FZD3: variants seen among roughly 807,000 people sequenced by gnomAD.
The protein encoded by FZD3 is frizzled-3.
Under a neutral mutation model 60.7 loss-of-function variants are expected in FZD3, and 30 were observed. The ratio of observed to expected loss-of-function variants is 0.49; its 90% confidence interval spans 0.37 to 0.67. The LOEUF is 0.67. Among genes scored for constraint, FZD3 ranks in the 30% least tolerant of loss-of-function variants. FZD3 has a pLI of 0.00. For synonymous variants in FZD3, 246 were observed against 275.2 expected, an observed-to-expected ratio of 0.89 and a Z score of 1.05; for missense variants, 605 against 838.7, an observed-to-expected ratio of 0.72 and a Z score of 3.44.
intron 5 of FZD3, among the ~76,000 whole-genome samples, chr8:28,533,835 T>C (rs1804941550): frequency 6.6e-6 from 1 of 152,188 alleles, no homozygotes; most frequent in Admixed American, 6.5e-5. Context: ...TTCTGGAAGA[T>C]AGTGCTGGTG....
At chr8:28,519,524 G>A (rs1804516095) in intron 3 of FZD3, among the ~76,000 whole-genome samples, 1 of 152,050 alleles carries the variant, frequency 6.6e-6, no homozygotes, top group Admixed American at 6.6e-5. Flanking sequence ...GAGCCCAAGA[G>A]TTTGAGACCA....
intron 1 of FZD3, among the ~76,000 whole-genome samples, chr8:28,498,163 G>T (rs546804329): frequency 6.6e-6 from 1 of 152,296 alleles, no homozygotes; most frequent in South Asian, 2.1e-4. Flanking sequence ...CTATGGAGAA[G>T]TGAATGTGTC....
chr8:28,534,055 G>A (rs1254218372), intron 5 of FZD3, among the ~76,000 whole-genome samples: 1 of 152,174 alleles, frequency 6.6e-6, no homozygotes, highest in African/African-American at 2.4e-5. Context: ...CAAATAGATA[G>A]TATGGCTTCA....
At chr8:28,543,225 C>G (rs755057530) in intron 5 of FZD3, among the ~76,000 whole-genome samples, 34 of 152,196 alleles carry the variant, frequency 2.2e-4, no homozygotes, top group Admixed American at 1.5e-3. Context: ...TGCCTTCATC[C>G]TCTTCATCGT....
At chr8:28,495,689 C>A (rs1055005901) in intron 1 of FZD3, among the ~76,000 whole-genome samples, 1 of 152,028 alleles carries the variant, frequency 6.6e-6, no homozygotes, top group Non-Finnish European at 1.5e-5. Flanking sequence ...TCAATACTAT[C>A]TTTTTCCTCC....
At chr8:28,505,502 C>T (rs899914912) in intron 3 of FZD3, among the ~76,000 whole-genome samples, 1 of 152,058 alleles carries the variant, frequency 6.6e-6, no homozygotes, top group Non-Finnish European at 1.5e-5. Flanking sequence ...AGGTGTGTGC[C>T]GCCACCCCTG....
intron 3 of FZD3, among the ~76,000 whole-genome samples, chr8:28,511,560 C>T (rs1443004663): frequency 6.6e-6 from 1 of 152,190 alleles, no homozygotes; most frequent in African/African-American, 2.4e-5. Flanking sequence ...AATAGACTTT[C>T]ACAAATTGGC....
rs751484777 is a variant in FZD3 at position 28,527,125 on chromosome 8, C to T, written c.387-22C>T. 1.1e-5 allele frequency: 17 copies of T among 1,577,152 alleles called. No homozygotes were observed. The East Asian group carries it at 2.0e-4, about 19-fold the overall frequency. On this transcript the variant is annotated intron_variant, in intron 4 of 7. Transcript: ENST00000240093. This position sits in a 1 kb window ranked among gnomAD's most constrained non-coding sequence, Gnocchi z 5.0. ...GATTTCCCCATAAGTAAAAATAGTT[C>T]TCATCTTGTTTTGTTTTTTAGGTTC...
At chr8:28,508,813 C>T (rs1371040708) in intron 3 of FZD3, among the ~76,000 whole-genome samples, 1 of 152,194 alleles carries the variant, frequency 6.6e-6, no homozygotes, top group African/African-American at 2.4e-5. Flanking sequence ...ATGTGAACCA[C>T]CATGCCTGGC....
intron 7 of FZD3, 101 bp from the exon 8 acceptor site, chr8:28,562,697 C>T (rs932520434): frequency 1.4e-6 from 1 of 732,252 alleles, no homozygotes; most frequent in African/African-American, 1.8e-5. Context: ...GGTTGGTTTC[C>T]TAATAATTTC....
intron 6 of FZD3, 79 bp from the exon 7 acceptor site, chr8:28,555,659 T>C (rs1322918400): frequency 2.8e-5 from 22 of 794,384 alleles, no homozygotes; most frequent in Non-Finnish European, 1.7e-5. Context: ...AAGAATAATA[T>C]CAGTGTTTCA....
chr8:28,562,674 ATTAC>A, intron 7 of FZD3, 120 bp from the exon 8 acceptor site: 2 of 652,154 alleles, frequency 3.1e-6, no homozygotes, highest in Non-Finnish European at 5.5e-6. Context: ...AAAGTTGGTT[ATTAC>A]TTTCTCATGG....
At chr8:28,540,094 A>G (rs1398599345) in intron 5 of FZD3, among the ~76,000 whole-genome samples, 1 of 152,150 alleles carries the variant, frequency 6.6e-6, no homozygotes, top group Non-Finnish European at 1.5e-5. Context: ...GAAGATAGTG[A>G]ATGTAGGCTA....
chr8:28,522,477 T>A (rs370383506), intron 4 of FZD3, among the ~76,000 whole-genome samples: 1 of 152,222 alleles, frequency 6.6e-6, no homozygotes, highest in East Asian at 1.9e-4. Flanking sequence ...TAACCATTCA[T>A]GTCTTCTGTC....
At chr8:28,521,500 A>G (rs1281433642) in intron 4 of FZD3, among the ~76,000 whole-genome samples, 2 of 152,194 alleles carry the variant, frequency 1.3e-5, no homozygotes, top group African/African-American at 2.4e-5. Flanking sequence ...GCTTTGCCCA[A>G]TCTTAACAGT....
chr8:28,547,613 CTA>C (rs1347961915), intron 5 of FZD3, among the ~76,000 whole-genome samples: 1 of 152,188 alleles, frequency 6.6e-6, no homozygotes, highest in Non-Finnish European at 1.5e-5. Flanking sequence ...TATAATTTAA[CTA>C]TGAGTCTGAG....
At chr8:28,551,075 A>G (rs536088025) in intron 5 of FZD3, among the ~76,000 whole-genome samples, 1 of 152,284 alleles carries the variant, frequency 6.6e-6, no homozygotes, top group African/African-American at 2.4e-5. Flanking sequence ...CCAAATATCT[A>G]TCATCTATCT....
intron 1 of FZD3, among the ~76,000 whole-genome samples, chr8:28,496,863 T>C (rs376173279): frequency 1.3e-5 from 2 of 152,308 alleles, no homozygotes; most frequent in East Asian, 3.9e-4. Context: ...TTAAAATAAT[T>C]CTGTAGTCAA....
intron 4 of FZD3, among the ~76,000 whole-genome samples, chr8:28,524,803 TCCTAA>T (rs764095121): frequency 6.6e-6 from 1 of 152,154 alleles, no homozygotes; most frequent in Non-Finnish European, 1.5e-5. Flanking sequence ...CTGTTGAAAA[TCCTAA>T]CCTATATCCA....
Sources: gnomAD v4.1 joint callset for allele counts (sites outside exome capture counted in the v4.1 genomes callset) on GRCh38, gnomAD v4.1.1 for gene constraint, Gnocchi (gnomAD v3.1) non-coding constraint, MANE v1.5 for transcripts, NCBI Gene and HGNC (gene_info 2026-07-23, HGNC 2026-07-21) for gene names.